Variants in WDR27 observed in about 807,000 individuals in gnomAD.
The protein encoded by WDR27 is WD repeat-containing protein 27.
In WDR27, 100 loss-of-function variants were observed where a neutral mutation model predicts 114.4. The ratio of observed to expected loss-of-function variants is 0.87; its 90% CI spans 0.74 to 1.03. WDR27 has a LOEUF of 1.03. WDR27 is among the 50% of genes least tolerant of loss of function. The pLI is 0.00. For missense variants in WDR27, 1,129 were observed against 1,092.9 expected (o/e 1.03, Z -0.47); for synonymous variants, 449 against 423.1 (o/e 1.06, Z -0.75).
chr6:169,520,443 A>C (rs1035738683), intron 25 of WDR27, among the ~76,000 whole-genome samples: 2 of 152,230 alleles, frequency 1.3e-5, no homozygotes, highest in African/African-American at 4.8e-5. Flanking sequence ...AAAACAAACC[A>C]GATAGAGAAT....
At chr6:169,562,575 T>G (rs1182342774) in intron 25 of WDR27, among the ~76,000 whole-genome samples, 2 of 151,658 alleles carry the variant, frequency 1.3e-5, no homozygotes, top group African/African-American at 4.9e-5. Flanking sequence ...GGCACAGAGG[T>G]GACTCCAACT....
chr6:169,692,276 A>G lies in WDR27; in HGVS notation c.-7-3264T>C, dbSNP rs555272938. Among the ~76,000 whole-genome samples the G allele has an allele frequency of 3.3e-5, 5 of 152,344 alleles. No individual in the cohort carries two copies. The South Asian group carries it at 1.0e-3, about 32-fold the overall frequency. On this transcript the variant is annotated intron_variant, in intron 1 of 25. Coordinates refer to ENST00000448612, the MANE Select transcript of WDR27 (RefSeq NM_182552.5). ...ATCTCATAGGGGTCCTCCCTCAGAA[A>G]AGACAGCCAGAGGAATTAGGGAGAG...
intron 25 of WDR27, among the ~76,000 whole-genome samples, chr6:169,495,083 TATAAAC>T (rs1400825224): frequency 6.6e-6 from 1 of 152,064 alleles, no homozygotes. Context: ...AGAAAATAAA[TATAAAC>T]ATACATAAAT....
At chr6:169,592,123 G>A (rs535125517) in intron 23 of WDR27, among the ~76,000 whole-genome samples, 54 of 152,212 alleles carry the variant, frequency 3.5e-4, no homozygotes, top group African/African-American at 1.3e-3. Context: ...ACGGCTGACA[G>A]GGCAAGTTCT....
intron 17 of WDR27, among the ~76,000 whole-genome samples, chr6:169,638,905 T>C (rs1461017642): frequency 6.6e-6 from 1 of 152,200 alleles, no homozygotes; most frequent in Admixed American, 6.5e-5. Context: ...TCACGTTCCA[T>C]TTTTTCAACT....
chr6:169,543,779 G>A lies in WDR27; in HGVS notation c.2645+28640C>T, dbSNP rs191178967. Among the ~76,000 whole-genome samples, 4 of 152,236 alleles carry A rather than the reference G, an allele frequency of 2.6e-5. No individual in the cohort carries two copies. In the East Asian group the frequency reaches 7.7e-4, roughly 29 times the overall value. On this transcript the variant is annotated intron_variant, in intron 25 of 25. Transcript: ENST00000448612. ...TATATATTTCCTAAAGGTTATGTGA[G>A]TTGTGAAACTTGAAACCTTGTCAAT...
intron 22 of WDR27, among the ~76,000 whole-genome samples, chr6:169,609,986 A>G (rs1810129307): frequency 6.6e-6 from 1 of 152,254 alleles, no homozygotes; most frequent in Non-Finnish European, 1.5e-5. Context: ...GCAAAATGCC[A>G]TCAGTCTCTT....
intron 25 of WDR27, among the ~76,000 whole-genome samples, chr6:169,504,292 T>C (rs1468396579): frequency 3.9e-5 from 6 of 152,182 alleles, no homozygotes; most frequent in African/African-American, 1.4e-4. Context: ...TGGATCTGTG[T>C]CCCCACCCAA....
Position 169,661,097 on chromosome 6 carries a change from ACCACATCTGTGCCAGGCTGG to A in WDR27, c.1026-351_1026-332del, listed in dbSNP as rs1382081848. 8.5e-5 allele frequency among the ~76,000 whole-genome samples: 13 copies of A among 152,336 alleles called. No homozygotes were observed. The South Asian group carries it at 1.0e-3, about 12-fold the overall frequency. On this transcript the variant is annotated intron_variant, in intron 9 of 25. Transcript: ENST00000448612. ...CCGGGGCAGGTTCTTGCCAGTGAGA[ACCACATCTGTGCCAGGCTGG>A]CCACATCTGTGCCACCAACGCATTT...
chr6:169,589,285 T>G (rs990157128), intron 23 of WDR27, among the ~76,000 whole-genome samples: 2 of 152,208 alleles, frequency 1.3e-5, no homozygotes, highest in African/African-American at 4.8e-5. Flanking sequence ...ACACTGACCT[T>G]TTGCCAGGCA....
chr6:169,576,549 G>T (rs138340131), intron 24 of WDR27, among the ~76,000 whole-genome samples: 1 of 152,084 alleles, frequency 6.6e-6, no homozygotes, highest in Non-Finnish European at 1.5e-5. Flanking sequence ...TTGCTTGAGG[G>T]CAGGAGTTTG....
chr6:169,529,698 A>T (rs534576284), intron 25 of WDR27, among the ~76,000 whole-genome samples: 17 of 152,342 alleles, frequency 1.1e-4, no homozygotes, highest in Admixed American at 9.8e-4. Context: ...ACCATTTAAA[A>T]TATCTATTAG....
chr6:169,487,217 TACTTGACATAC>T (rs1709232219), intron 25 of WDR27, among the ~76,000 whole-genome samples: 1 of 152,234 alleles, frequency 6.6e-6, no homozygotes, highest in Admixed American at 6.5e-5. Context: ...ATTGTAGCAA[TACTTGACATAC>T]AGCGAATACC....
At chr6:169,463,020 C>A (rs1785106153) in intron 25 of WDR27, among the ~76,000 whole-genome samples, 1 of 152,086 alleles carries the variant, frequency 6.6e-6, no homozygotes, top group Admixed American at 6.6e-5. Context: ...AAAAGACTAC[C>A]AGACTGGGTA....
intron 22 of WDR27, among the ~76,000 whole-genome samples, chr6:169,607,417 CACACACATATAAT>C (rs1473485001): frequency 1.7e-3 from 62 of 35,954 alleles, no homozygotes; most frequent in Admixed American, 4.1e-3. Context: ...CACACACACA[CACACACATATAAT>C]ATAATATTAT....
At chr6:169,651,255 C>T (rs1822471651) in intron 14 of WDR27, among the ~76,000 whole-genome samples, 1 of 147,548 alleles carries the variant, frequency 6.8e-6, no homozygotes, top group African/African-American at 2.6e-5. Context: ...GAGGTGAGTG[C>T]CAACCAGGGA....
chr6:169,680,668 G>A (rs1183136483), intron 2 of WDR27, among the ~76,000 whole-genome samples: 1 of 152,138 alleles, frequency 6.6e-6, no homozygotes, highest in Non-Finnish European at 1.5e-5. Flanking sequence ...TGGATTGTCA[G>A]GTTTGTAGCA....
chr6:169,476,914 G>C (rs188151707), intron 25 of WDR27, among the ~76,000 whole-genome samples: 7 of 150,804 alleles, frequency 4.6e-5, no homozygotes, highest in African/African-American at 1.7e-4. Flanking sequence ...CATCACTCTT[G>C]TTTGTCTTTG....
intron 25 of WDR27, among the ~76,000 whole-genome samples, chr6:169,470,468 A>C (rs1468863897): frequency 6.6e-6 from 1 of 152,244 alleles, no homozygotes; most frequent in Non-Finnish European, 1.5e-5. Flanking sequence ...TGCTGTAACA[A>C]AATACCATAT....
Sources: allele counts gnomAD v4.1 joint callset (sites outside exome capture counted in the v4.1 genomes callset), GRCh38; gene constraint gnomAD v4.1.1; transcripts MANE v1.5; gene names NCBI Gene and HGNC (gene_info 2026-07-23, HGNC 2026-07-21).